OR6C1: variants seen among roughly 807,000 people sequenced by gnomAD.
OR6C1 encodes olfactory receptor 6C1.
For synonymous variants in OR6C1, 157 were observed against 133.3 expected, an observed-to-expected ratio of 1.18 and a Z score of -1.22; for missense variants, 386 against 366.1, an observed-to-expected ratio of 1.05 and a Z score of -0.44.
chr12:55,320,970 T>C lies in OR6C1; in HGVS notation c.371T>C (p.Ile124Thr). 4 of 1,614,004 alleles carry C rather than the reference T, an allele frequency of 2.5e-6. No homozygotes were observed. The highest frequency in any genetic ancestry group is 3.4e-6 in the Non-Finnish European group (4 of 1,179,942). Residue 124 changes from isoleucine to threonine, a missense_variant, in exon 2 of 2, where the codon ATC becomes ACC. Coordinates refer to ENST00000642104, the MANE Select transcript of OR6C1 (RefSeq NM_001005182.2). ...AAMSYDRYVA[I>T]CKPLHCLSIM... The stretch of plus-strand genomic sequence containing the variant: ...ATGTCCTATGACCGCTATGTGGCCA[T>C]CTGCAAGCCTCTGCATTGCTTGAGT...
In OR6C1 at chr12:55,320,878, T is replaced by C. The variant is rs543984944; in HGVS notation, c.279T>C (p.Asn93=). ...CAGGAGATAAAACCATTTCCTTTAA[T>C]AATTGCATAGTTCAGTTATTTTTCT... The part of the protein sequence containing the change: ...IISGDKTISF[N]NCIVQLFFFI... Residue 93 remains asparagine (N), a synonymous_variant, in exon 2 of 2, where the codon AAT becomes AAC. Transcript: ENST00000642104. 18 of 1,614,078 alleles carry C rather than the reference T, an allele frequency of 1.1e-5. No homozygotes were observed. In the South Asian group the frequency reaches 1.4e-4, roughly 13 times the overall value.
chr12:55,319,126 ATAGG>A lies in OR6C1; in HGVS notation c.-33-1436_-33-1433del, dbSNP rs201465834. Among the ~76,000 whole-genome samples the A allele has an allele frequency of 2.1e-3, 317 of 152,216 alleles. 2 individuals carry two copies. Among genetic ancestry groups the A allele is most frequent in the African/African-American group, 7.3e-3 (303 of 41,556 alleles). On this transcript the variant is annotated intron_variant, in intron 1 of 1. Coordinates refer to ENST00000642104, the MANE Select transcript of OR6C1 (RefSeq NM_001005182.2). ...AGGAATAAAAGTTATAAAATGACAC[ATAGG>A]TAGGCTGAAATATCATGAAATATCA... is the stretch of plus-strand genomic sequence containing the variant.
chr12:55,320,014 G>A (rs1207168388), intron 1 of OR6C1, among the ~76,000 whole-genome samples: 2 of 152,018 alleles, frequency 1.3e-5, no homozygotes, highest in Non-Finnish European at 2.9e-5. Flanking sequence ...GGTGGCACGT[G>A]CCTGTAATCC....
chr12:55,317,440 C>T (rs150220695), intron 1 of OR6C1, among the ~76,000 whole-genome samples: 4 of 151,982 alleles, frequency 2.6e-5, no homozygotes, highest in African/African-American at 7.2e-5. Flanking sequence ...TTAGCCAATA[C>T]GGTGAACTTG....
rs555721045 is a variant in OR6C1 at position 55,319,686 on chromosome 12, A to G, written c.-33-881A>G. 2.0e-5 allele frequency among the ~76,000 whole-genome samples: 3 copies of G among 152,342 alleles called. No homozygotes were observed. In the East Asian group the frequency reaches 5.8e-4, roughly 29 times the overall value. ...TCAGGTTACAGCAGGCAGTTTCAGC[A>G]GTCAGGCTTACACAGAATTACATTC... On this transcript the variant is annotated intron_variant, in intron 1 of 1. Coordinates refer to ENST00000642104, the MANE Select transcript of OR6C1 (RefSeq NM_001005182.2).
intron 1 of OR6C1, among the ~76,000 whole-genome samples, chr12:55,315,753 C>T (rs1868398014): frequency 6.6e-6 from 1 of 151,258 alleles, no homozygotes; most frequent in Non-Finnish European, 1.5e-5. Flanking sequence ...TCAAAGTAAC[C>T]CTTGTGTCAT....
chr12:55,319,016 T>A (rs1326415879), intron 1 of OR6C1, among the ~76,000 whole-genome samples: 1 of 152,228 alleles, frequency 6.6e-6, no homozygotes, highest in Non-Finnish European at 1.5e-5. Context: ...ATCTATCATC[T>A]CTTTAACTGA....
chr12:55,318,487 G>A (rs1868453520), intron 1 of OR6C1, among the ~76,000 whole-genome samples: 1 of 151,520 alleles, frequency 6.6e-6, no homozygotes, highest in Non-Finnish European at 1.5e-5. Context: ...TTTTGGACAG[G>A]ACACCATCCC....
Position 55,320,944 on chromosome 12 carries a change from C to T in OR6C1, c.345C>T (p.Ala115=), listed in dbSNP as rs1868529442. The T allele has an allele frequency of 5.6e-6, 9 of 1,613,942 alleles. No individual in the cohort carries two copies. The highest frequency in any genetic ancestry group is 7.6e-6 in the Non-Finnish European group (9 of 1,179,876). ...LGVTEFYLLA[A]MSYDRYVAIC... ...TCACAGAGTTTTACCTTCTGGCTGCCATGTCCTATGACCGCTATGTGGCCA... is the reference window on the plus strand; with the variant it reads ...TCACAGAGTTTTACCTTCTGGCTGCTATGTCCTATGACCGCTATGTGGCCA... Residue 115 remains alanine, a synonymous_variant, in exon 2 of 2, where the codon GCC becomes GCT. Transcript: ENST00000642104.
chr12:55,316,096 TACACAC>T (rs35664107), intron 1 of OR6C1, among the ~76,000 whole-genome samples: 93 of 140,996 alleles, frequency 6.6e-4, no homozygotes, highest in East Asian at 4.3e-3. Flanking sequence ...AAAAAGTACA[TACACAC>T]ACACACACAC....
chr12:55,315,475 G>T (rs1420408982), intron 1 of OR6C1, among the ~76,000 whole-genome samples: 1 of 151,632 alleles, frequency 6.6e-6, no homozygotes, highest in African/African-American at 2.4e-5. Context: ...TTACAGAAAT[G>T]AGTGTTACTA....
In OR6C1 at chr12:55,320,701, G is replaced by A. The variant is rs1459090974; in HGVS notation, c.102G>A (p.Met34Ile). 3 of 1,613,840 alleles carry A rather than the reference G, an allele frequency of 1.9e-6. No individual in the cohort carries two copies. The highest frequency in any genetic ancestry group is 1.7e-6 in the Non-Finnish European group (2 of 1,179,810). ...TTGTCTTCCTGCTCATCACCTACAT[G>A]CTCAGCATCACTGGGAACCTGACCC... ...VIFVFLLITY[M>I]LSITGNLTLI... The change falls in exon 2 of 2, where the codon ATG (methionine) becomes ATA (isoleucine). Residue 34 changes from methionine (M) to isoleucine (I), a missense_variant. Transcript: ENST00000642104.
chr12:55,321,402 T>C lies in OR6C1; in HGVS notation c.803T>C (p.Leu268Ser), dbSNP rs1244928306. The C allele has an allele frequency of 6.2e-7, 1 of 1,613,874 alleles. No homozygotes were observed. The highest frequency in any genetic ancestry group is 8.5e-7 in the Non-Finnish European group (1 of 1,179,914). The change falls in exon 2 of 2, where the codon TTG (leucine) becomes TCG (serine). Residue 268 changes from leucine to serine, a missense_variant. Physicochemically the swap from Leu to Ser is moderately radical, Grantham distance 145 (BLOSUM62 -2). Transcript: ENST00000642104. Reference sequence around the variant, plus strand: ...CCCTCAGCAAAAGATAGAGTGTCCTTGAGCAAGGGAGTGGCAATACTAAAC... The same window carrying C: ...CCCTCAGCAAAAGATAGAGTGTCCTCGAGCAAGGGAGTGGCAATACTAAAC... Reference protein sequence around the residue: ...IKPSAKDRVSLSKGVAILNTS... With the variant: ...IKPSAKDRVSSSKGVAILNTS...
chr12:55,318,303 T>C (rs1203920866), intron 1 of OR6C1, among the ~76,000 whole-genome samples: 1 of 149,822 alleles, frequency 6.7e-6, no homozygotes, highest in Non-Finnish European at 1.5e-5. Flanking sequence ...AGCTATACCA[T>C]GGTGGGAGAG....
Position 55,321,396 on chromosome 12 carries a change from T to G in OR6C1, c.797T>G (p.Val266Gly). Residue 266 changes from valine to glycine, a missense_variant, in exon 2 of 2, where the codon GTG becomes GGG. Val to Gly is a moderately radical substitution (Grantham distance 109). Transcript: ENST00000642104. The stretch of plus-strand genomic sequence containing the variant: ...ATTAAACCCTCAGCAAAAGATAGAG[T>G]GTCCTTGAGCAAGGGAGTGGCAATA... ...MYIKPSAKDR[V>G]SLSKGVAILN... 1 of 1,613,810 alleles carries G rather than the reference T, an allele frequency of 6.2e-7. No individual in the cohort carries two copies. The highest frequency in any genetic ancestry group is 8.5e-7 in the Non-Finnish European group (1 of 1,179,864).
chr12:55,320,523 A>C, intron 1 of OR6C1, 44 bp from the exon 2 acceptor site: 1 of 848,882 alleles, frequency 1.2e-6, no homozygotes, highest in Non-Finnish European at 1.9e-6. Flanking sequence ...GATATTTGTT[A>C]ATTGATAACT....
At position 55,320,938 on chromosome 12, in the gene OR6C1, G is replaced by T; in HGVS notation, c.339G>T (p.Leu113=). The change falls in exon 2 of 2, where the codon CTG becomes CTT. Residue 113 remains leucine, a synonymous_variant. Transcript: ENST00000642104. ...TGGGAGTCACAGAGTTTTACCTTCT[G>T]GCTGCCATGTCCTATGACCGCTATG... ...ILLGVTEFYL[L]AAMSYDRYVA... 1 of 1,613,802 alleles carries T rather than the reference G, an allele frequency of 6.2e-7. No individual in the cohort carries two copies. The highest frequency in any genetic ancestry group is 8.5e-7 in the Non-Finnish European group (1 of 1,179,820).
In OR6C1 at chr12:55,321,391, T is replaced by C. The variant is rs748579568; in HGVS notation, c.792T>C (p.Asp264=). ...IFMYIKPSAK[D]RVSLSKGVAI... ...TGTACATTAAACCCTCAGCAAAAGATAGAGTGTCCTTGAGCAAGGGAGTGG... is the reference window on the plus strand; with the variant it reads ...TGTACATTAAACCCTCAGCAAAAGACAGAGTGTCCTTGAGCAAGGGAGTGG... Residue 264 remains aspartate, a synonymous_variant, in exon 2 of 2, where the codon GAT becomes GAC. Transcript: ENST00000642104. 9.3e-6 allele frequency: 15 copies of C among 1,613,820 alleles called. No homozygotes were observed. The highest frequency in any genetic ancestry group is 4.5e-5 in the East Asian group (2 of 44,884).
intron 1 of OR6C1, among the ~76,000 whole-genome samples, chr12:55,316,574 A>G (rs1347829907): frequency 6.6e-6 from 1 of 151,856 alleles, no homozygotes; most frequent in African/African-American, 2.4e-5. Context: ...GCTTGGACCT[A>G]TTCCTCATTA....
Sources: allele counts gnomAD v4.1 joint callset (sites outside exome capture counted in the v4.1 genomes callset), GRCh38; gene constraint gnomAD v4.1.1; transcripts MANE v1.5; gene names NCBI Gene and HGNC (gene_info 2026-07-23, HGNC 2026-07-21).